TAFA2: variants seen among roughly 807,000 people sequenced by gnomAD.
TAFA2 encodes the protein TAFA chemokine like family member 2, also known as chemokine-like protein TAFA-2.
Under a neutral mutation model 18.8 loss-of-function variants are expected in TAFA2, and 7 were observed. That is an observed-to-expected ratio of 0.37 (90% CI 0.21 to 0.70). The LOEUF (loss-of-function observed/expected upper bound fraction) is 0.70, where lower values mean the gene tolerates loss of function less well. Ranked by LOEUF, TAFA2 falls within the 30% of genes least tolerant of loss-of-function variation. The probability of loss-of-function intolerance (pLI) is 0.53; values close to 1 mark genes in which losing one functional copy is unlikely to be tolerated. For synonymous variants in TAFA2, 60 were observed against 54.2 expected, an observed-to-expected ratio of 1.11 and a Z score of -0.47; for missense variants, 122 against 158.1, an observed-to-expected ratio of 0.77 and a Z score of 1.23.
At chr12:61,756,339 T>C (rs1030686990) in intron 2 of TAFA2, among the ~76,000 whole-genome samples, 26 of 152,140 alleles carry the variant, frequency 1.7e-4, no homozygotes, top group African/African-American at 5.8e-4. Flanking sequence ...AACACAAATC[T>C]ATCTCTATGA....
intron 1 of TAFA2, among the ~76,000 whole-genome samples, chr12:61,930,787 G>T (rs1877523706): frequency 6.6e-6 from 1 of 152,184 alleles, no homozygotes; most frequent in African/African-American, 2.4e-5. Flanking sequence ...GCATGAGGAA[G>T]AGAATAAATA....
intron 1 of TAFA2, among the ~76,000 whole-genome samples, chr12:61,894,719 T>C (rs1381023854): frequency 1.3e-5 from 2 of 152,222 alleles, no homozygotes; most frequent in Non-Finnish European, 2.9e-5. Flanking sequence ...AGGATAATTA[T>C]TGCCCACATG....
At chr12:61,805,085 C>CA (rs1248348910) in intron 2 of TAFA2, among the ~76,000 whole-genome samples, 1 of 151,866 alleles carries the variant, frequency 6.6e-6, no homozygotes, top group Non-Finnish European at 1.5e-5. Context: ...CCAAAGTTAA[C>CA]AACTCTATTT....
intron 2 of TAFA2, among the ~76,000 whole-genome samples, chr12:61,756,799 G>A (rs1468244539): frequency 2.6e-5 from 4 of 152,140 alleles, no homozygotes; most frequent in African/African-American, 7.2e-5. Flanking sequence ...GAGATAATCC[G>A]AATCATGAGC....
chr12:62,139,856 G>A (rs770867419), intron 1 of TAFA2: 2 of 152,184 alleles, frequency 1.3e-5, no homozygotes, highest in Non-Finnish European at 2.9e-5. Flanking sequence ...AGGTCACACA[G>A]TGACTTAGCC....
At chr12:61,730,027 C>T (rs73322454) in intron 4 of TAFA2, among the ~76,000 whole-genome samples, 2,255 of 152,206 alleles carry the variant, frequency 0.015, 50 homozygotes, top group African/African-American at 0.05. Context: ...AGCTACTGCG[C>T]TCTGGACCAG....
intron 1 of TAFA2, among the ~76,000 whole-genome samples, chr12:62,132,775 A>G (rs1870741962): frequency 6.6e-6 from 1 of 151,964 alleles, no homozygotes; most frequent in African/African-American, 2.4e-5. Context: ...ATGATTTTTC[A>G]AATGAGCAAA....
At chr12:61,905,254 T>C (rs1335784403) in intron 1 of TAFA2, among the ~76,000 whole-genome samples, 1 of 152,192 alleles carries the variant, frequency 6.6e-6, no homozygotes, top group Non-Finnish European at 1.5e-5. Context: ...AAGAGATTAC[T>C]GTTCAAAAGT....
intron 1 of TAFA2, among the ~76,000 whole-genome samples, chr12:61,875,835 C>G (rs1308357082): frequency 2.0e-5 from 3 of 151,614 alleles, no homozygotes; most frequent in African/African-American, 7.2e-5. Context: ...TGGTAGGAGA[C>G]AAGCAGTTGA....
At chr12:61,877,920 T>TACAC (rs1291038538) in intron 1 of TAFA2, among the ~76,000 whole-genome samples, 3,508 of 141,528 alleles carry the variant, frequency 0.025, 60 homozygotes, top group African/African-American at 0.042. Flanking sequence ...TATATATATA[T>TACAC]ATATACACAC....
intron 1 of TAFA2, chr12:62,235,334 A>G (rs2062832001): frequency 1.5e-6 from 1 of 664,046 alleles, no homozygotes; most frequent in Admixed American, 2.4e-5. Context: ...TCCTGTGAGG[A>G]AAGTGCTGAA....
intron 1 of TAFA2, among the ~76,000 whole-genome samples, chr12:61,958,901 C>A: frequency 6.6e-6 from 1 of 151,924 alleles, no homozygotes; most frequent in South Asian, 2.1e-4. Flanking sequence ...TATTTTTCTT[C>A]ATATATTTCA....
intron 1 of TAFA2, among the ~76,000 whole-genome samples, chr12:61,912,715 C>A (rs1194910431): frequency 6.6e-6 from 1 of 152,190 alleles, no homozygotes; most frequent in Non-Finnish European, 1.5e-5. Flanking sequence ...CTCCTGTTCA[C>A]TTCCCCCTGG....
At position 61,902,256 on chromosome 12, in the gene TAFA2, T is replaced by C. The variant is rs144703689; in HGVS notation, c.-1-34830A>G. Among the ~76,000 whole-genome samples, 1,321 of 152,288 alleles carry C rather than the reference T, an allele frequency of 8.7e-3. 17 individuals are homozygous for C. Among genetic ancestry groups the C allele is most frequent in the African/African-American group, 0.03 (1,258 of 41,554 alleles). ...ATATATATTATCTCTGTAACAGCTT[T>C]ACATCTAAAAGATGAACAACTGTCA... is the stretch of plus-strand genomic sequence containing the variant. On this transcript the variant is annotated intron_variant, in intron 1 of 4. Transcript: ENST00000416284.
At chr12:61,851,653 T>A (rs377535239) in intron 2 of TAFA2, among the ~76,000 whole-genome samples, 1 of 151,068 alleles carries the variant, frequency 6.6e-6, no homozygotes, top group African/African-American at 2.4e-5. Flanking sequence ...CGGGGGCCTA[T>A]AGTCCCAGCA....
At chr12:62,014,137 C>A (rs184662058) in intron 1 of TAFA2, among the ~76,000 whole-genome samples, 1 of 150,852 alleles carries the variant, frequency 6.6e-6, no homozygotes, top group Non-Finnish European at 1.5e-5. Context: ...CTACTGACAT[C>A]GAAAACCTTA....
chr12:61,871,496 C>CA (rs1197155934), intron 1 of TAFA2, among the ~76,000 whole-genome samples: 1 of 151,944 alleles, frequency 6.6e-6, no homozygotes, highest in Non-Finnish European at 1.5e-5. Flanking sequence ...GTGAATTTTG[C>CA]AAAAAGCAAA....
chr12:61,812,482 C>A (rs941056032), intron 2 of TAFA2, among the ~76,000 whole-genome samples: 1 of 151,340 alleles, frequency 6.6e-6, no homozygotes, highest in Non-Finnish European at 1.5e-5. Flanking sequence ...AGAACTCACT[C>A]CTGAGGAAGC....
chr12:62,166,667 G>A (rs2062442559), intron 1 of TAFA2, among the ~76,000 whole-genome samples: 2 of 152,104 alleles, frequency 1.3e-5, no homozygotes, highest in African/African-American at 4.8e-5. Context: ...GCCAGAAGGG[G>A]ATTGTCCCAG....
Sources: allele counts gnomAD v4.1 joint callset (sites outside exome capture counted in the v4.1 genomes callset), GRCh38; gene constraint gnomAD v4.1.1; transcripts MANE v1.5; gene names NCBI Gene and HGNC (gene_info 2026-07-23, HGNC 2026-07-21).